TMPRSS12: variants seen among roughly 807,000 people sequenced by gnomAD.
The protein encoded by TMPRSS12 is transmembrane protease serine 12.
Under a neutral mutation model 26.0 loss-of-function variants are expected in TMPRSS12, and 25 were observed. The observed-to-expected ratio is 0.96, with a 90% CI of 0.70 to 1.34. TMPRSS12 has a LOEUF of 1.34. Ranked by LOEUF, TMPRSS12 falls within the 40% of genes most tolerant of loss-of-function variation. The probability of loss-of-function intolerance (pLI) is 0.00; values close to 1 mark genes in which losing one functional copy is unlikely to be tolerated. For synonymous variants in TMPRSS12, 150 were observed against 161.7 expected (o/e 0.93, Z 0.55); for missense variants, 441 against 440.1 (o/e 1.00, Z -0.02).
At chr12:50,863,334 C>G (rs924179381) in intron 3 of TMPRSS12, among the ~76,000 whole-genome samples, 10 of 151,946 alleles carry the variant, frequency 6.6e-5, no homozygotes, top group Admixed American at 2.0e-4. Flanking sequence ...CAATGCTAAA[C>G]GTGTGTACAC....
At chr12:50,852,222 C>A (rs186662469) in intron 2 of TMPRSS12, among the ~76,000 whole-genome samples, 1 of 152,246 alleles carries the variant, frequency 6.6e-6, no homozygotes, top group African/African-American at 2.4e-5. Flanking sequence ...AGGTTAAACA[C>A]CCCATTTATA....
intron 3 of TMPRSS12, among the ~76,000 whole-genome samples, chr12:50,874,195 G>C (rs1938092421): frequency 6.6e-6 from 1 of 152,076 alleles, no homozygotes; most frequent in South Asian, 2.1e-4. Flanking sequence ...AGAAAATAGA[G>C]AAGGGAGTAT....
intron 3 of TMPRSS12, among the ~76,000 whole-genome samples, chr12:50,880,966 C>CT (rs869152225): frequency 0.035 from 2,153 of 61,746 alleles, 205 homozygotes; most frequent in African/African-American, 0.042. Context: ...TCAGTAATTT[C>CT]TTTTTTTTTT....
chr12:50,878,196 TG>T (rs1189240105), intron 3 of TMPRSS12, among the ~76,000 whole-genome samples: 2 of 123,660 alleles, frequency 1.6e-5, no homozygotes, highest in African/African-American at 5.8e-5. Context: ...AAAATTATTT[TG>T]GGGAAAAAAA....
chr12:50,864,695 G>A (rs1016526385), intron 3 of TMPRSS12, among the ~76,000 whole-genome samples: 14 of 152,112 alleles, frequency 9.2e-5, no homozygotes, highest in Admixed American at 9.2e-4. Flanking sequence ...GTCTTGCTCT[G>A]TCACCCAGCT....
At chr12:50,847,151 C>T (rs1009638690) in intron 2 of TMPRSS12, among the ~76,000 whole-genome samples, 35 of 151,656 alleles carry the variant, frequency 2.3e-4, no homozygotes, top group African/African-American at 8.2e-4. Context: ...CTCCGCCTCC[C>T]GGGTTCAGGC....
At chr12:50,865,466 A>G (rs974531469) in intron 3 of TMPRSS12, among the ~76,000 whole-genome samples, 1 of 152,208 alleles carries the variant, frequency 6.6e-6, no homozygotes, top group Non-Finnish European at 1.5e-5. Context: ...AAGAGAAAAC[A>G]TGAAATAAGG....
intron 2 of TMPRSS12, among the ~76,000 whole-genome samples, chr12:50,845,444 A>G (rs1466730271): frequency 2.0e-5 from 3 of 152,068 alleles, no homozygotes; most frequent in African/African-American, 7.2e-5. Flanking sequence ...GAGATGTCTA[A>G]TCTACCTCTG....
chr12:50,865,222 A>G lies in TMPRSS12; in HGVS notation c.652+6169A>G, dbSNP rs144705677. ...GTGGTGGGTGCCTGTAATCCCAGCT[A>G]CTTGGGAGGCTGAGGCAGGAGAATC... On this transcript the variant is annotated intron_variant, in intron 3 of 4. Transcript: ENST00000398458. Among the ~76,000 whole-genome samples the G allele has an allele frequency of 6.5e-3, 987 of 152,190 alleles. 5 individuals carry two copies. Among genetic ancestry groups the G allele is most frequent in the Non-Finnish European group, 0.01 (701 of 67,980 alleles).
At chr12:50,869,411 A>G (rs1277104388) in intron 3 of TMPRSS12, among the ~76,000 whole-genome samples, 1 of 152,198 alleles carries the variant, frequency 6.6e-6, no homozygotes, top group African/African-American at 2.4e-5. Flanking sequence ...AGGAGTGGAT[A>G]AATTCCTGGA....
At position 50,844,002 on chromosome 12, in the gene TMPRSS12, G is replaced by A. The variant is rs1243340957; in HGVS notation, c.348G>A (p.Trp116Ter). 1.9e-6 allele frequency: 3 copies of A among 1,600,638 alleles called. No homozygotes were observed. The highest frequency in any genetic ancestry group is 2.2e-5 in the East Asian group (1 of 44,448). Residue 116 changes from tryptophan to a stop codon, truncating the protein, a stop_gained, in exon 2 of 5, where the codon TGG becomes TGA. Transcript: ENST00000398458. LOFTEE classifies it high-confidence loss of function. ...GGGGAACCCTAGTGAGAGAGAGGTG[G>A]GTCCTCACAGCTGCCCACTGCACTA... ...VCGGTLVRER[W>*]VLTAAHCTKD... is the part of the protein sequence containing the mutation.
At chr12:50,873,182 C>T (rs986312747) in intron 3 of TMPRSS12, among the ~76,000 whole-genome samples, 14 of 150,646 alleles carry the variant, frequency 9.3e-5, no homozygotes, top group African/African-American at 3.4e-4. Flanking sequence ...TTGGGGGACT[C>T]AGGGGAAAGG....
intron 3 of TMPRSS12, among the ~76,000 whole-genome samples, chr12:50,875,260 T>C (rs1938101806): frequency 6.6e-6 from 1 of 151,810 alleles, no homozygotes; most frequent in Admixed American, 6.6e-5. Flanking sequence ...GAGGCCAAGG[T>C]GGGCGGATCA....
rs188100993 is a variant in TMPRSS12 at position 50,868,120 on chromosome 12, G to A, written c.652+9067G>A. Among the ~76,000 whole-genome samples, 20 of 152,238 alleles carry A rather than the reference G, an allele frequency of 1.3e-4. No homozygotes were observed. The East Asian group carries it at 2.3e-3, about 18-fold the overall frequency. On this transcript the variant is annotated intron_variant, in intron 3 of 4. Coordinates refer to ENST00000398458, the MANE Select transcript of TMPRSS12 (RefSeq NM_182559.3). ...CAAGGTACAAGGCAACAAATAGCAC[G>A]ATGAATGCAATGGTACCTCACATCT...
chr12:50,882,422 A>C (rs946247281), intron 3 of TMPRSS12, among the ~76,000 whole-genome samples: 2 of 152,070 alleles, frequency 1.3e-5, no homozygotes, highest in Admixed American at 1.3e-4. Context: ...AAAAAAAGAC[A>C]TAAAGGTAAG....
At chr12:50,853,653 AG>A (rs1453406627) in intron 2 of TMPRSS12, among the ~76,000 whole-genome samples, 2 of 151,814 alleles carry the variant, frequency 1.3e-5, no homozygotes, top group African/African-American at 4.8e-5. Flanking sequence ...CAAAGGGGAC[AG>A]TACCACCAAC....
chr12:50,881,606 A>G (rs146709170), intron 3 of TMPRSS12, among the ~76,000 whole-genome samples: 241 of 152,294 alleles, frequency 1.6e-3, no homozygotes, highest in African/African-American at 5.7e-3. Context: ...AATAATGTAT[A>G]TGGTACATAA....
intron 3 of TMPRSS12, among the ~76,000 whole-genome samples, chr12:50,871,981 A>G (rs993282365): frequency 2.0e-5 from 3 of 152,058 alleles, no homozygotes; most frequent in Non-Finnish European, 4.4e-5. Flanking sequence ...GAATGCTTCT[A>G]CACTGCTGGT....
At chr12:50,862,525 TATA>T (rs1386750270) in intron 3 of TMPRSS12, among the ~76,000 whole-genome samples, 4 of 151,360 alleles carry the variant, frequency 2.6e-5, no homozygotes, top group African/African-American at 9.7e-5. Context: ...TGACCCAGCA[TATA>T]ATTTTTTTTT....
Sources: gnomAD v4.1 joint callset for allele counts (sites outside exome capture counted in the v4.1 genomes callset) on GRCh38, gnomAD v4.1.1 for gene constraint, MANE v1.5 for transcripts, NCBI Gene and HGNC (gene_info 2026-07-23, HGNC 2026-07-21) for gene names.